CUZD1: variants seen among roughly 807,000 people sequenced by gnomAD.
The protein encoded by CUZD1 is CUB and zona pellucida-like domain-containing protein 1.
In CUZD1, 42 loss-of-function variants were observed where a neutral mutation model predicts 53.1. The observed-to-expected ratio is 0.79, with a 90% CI of 0.62 to 1.02. The LOEUF is 1.02. Among genes scored for constraint, CUZD1 ranks in the 50% least tolerant of loss-of-function variants. The probability of loss-of-function intolerance (pLI) is 0.00; values close to 1 mark genes in which losing one functional copy is unlikely to be tolerated. For synonymous variants in CUZD1, 238 were observed against 257.2 expected (o/e 0.93, Z 0.71); for missense variants, 670 against 715.7 (o/e 0.94, Z 0.73).
At chr10:122,838,012 C>CGAG in intron 3 of CUZD1, 2 of 154,756 alleles carry the variant, frequency 1.3e-5, no homozygotes, top group South Asian at 2.0e-4. Flanking sequence ...CTCCCACCTC[C>CGAG]ACCTACCCTC....
rs769217392 is a variant in CUZD1 at position 122,834,805 on chromosome 10, A to T, written c.1283T>A (p.Leu428Gln). The T allele has an allele frequency of 1.2e-6, 2 of 1,613,926 alleles. No individual in the cohort carries two copies. Among genetic ancestry groups the T allele is most frequent in the East Asian group, 2.2e-5 (1 of 44,868 alleles). The change falls in exon 7 of 9, where the codon CTG becomes CAG. Residue 428 changes from leucine to glutamine, a missense_variant. Physicochemically the swap from Leu to Gln is moderately radical, Grantham distance 113. Coordinates refer to ENST00000392790, the MANE Select transcript of CUZD1 (RefSeq NM_022034.6). Reference sequence around the variant, plus strand: ...CACCAAATTTGGATCTGAGGTGTGCAGACTAACTTGAACAAAAAGAGTTTG... The same window carrying T: ...CACCAAATTTGGATCTGAGGTGTGCTGACTAACTTGAACAAAAAGAGTTTG... ...LNQTLFVQVS[L>Q]HTSDPNLVVF...
rs1847174884 is a variant in CUZD1, at chr10:122,832,362, A to G, written c.1740T>C (p.Asn580=). 5.0e-6 allele frequency: 8 copies of G among 1,614,156 alleles called. No individual in the cohort carries two copies. Among genetic ancestry groups the G allele is most frequent in the Non-Finnish European group, 5.9e-6 (7 of 1,179,986 alleles). ...CTGTGATTGTCGCTACAGTCACCAC[A>G]TTCAGAGCTAGAACCATGAAGGAAA... is the stretch of plus-strand genomic sequence containing the variant. ...HLFSFMVLAL[N]VVTVATITVR... is the part of the protein sequence containing the mutation. Residue 580 remains asparagine (N), a synonymous_variant, in exon 9 of 9, where the codon AAT becomes AAC. Coordinates refer to ENST00000392790, the MANE Select transcript of CUZD1 (RefSeq NM_022034.6).
Position 122,833,920 on chromosome 10 carries a change from C to A in CUZD1, c.1403G>T (p.Cys468Phe). Residue 468 changes from cysteine (C) to phenylalanine (F), a missense_variant, in exon 8 of 9, where the codon TGT becomes TTT. Physicochemically the swap from Cys to Phe is radical, Grantham distance 205. Transcript: ENST00000392790. ...IKSGCSRDET[C>F]KVYPLFGHYG... ...GTGTCCAAATAAGGGATACACCTTA[C>A]AAGTTTCATCTCGACTACATCTGGA... is the stretch of plus-strand genomic sequence containing the variant. 6.2e-7 allele frequency: 1 copy of A among 1,613,010 alleles called. No homozygotes were observed. The highest frequency in any genetic ancestry group is 8.5e-7 in the Non-Finnish European group (1 of 1,179,452).
intron 5 of CUZD1, 114 bp from the exon 6 acceptor site, chr10:122,836,464 C>G: frequency 2.2e-6 from 2 of 919,798 alleles, no homozygotes; most frequent in Non-Finnish European, 3.1e-6. Flanking sequence ...CCATTTTGCC[C>G]TAAACAGTAA....
intron 6 of CUZD1, 94 bp from the exon 7 acceptor site, chr10:122,835,191 T>G (rs1666942812): frequency 2.0e-6 from 2 of 997,560 alleles, no homozygotes; most frequent in African/African-American, 3.3e-5. Flanking sequence ...CAGACATAAT[T>G]TTCTTAAATC....
intron 8 of CUZD1, among the ~76,000 whole-genome samples, chr10:122,833,106 T>G (rs535705172): frequency 1.3e-5 from 2 of 152,376 alleles, no homozygotes; most frequent in East Asian, 1.9e-4. Context: ...ATAGTTTTTC[T>G]TTCATTAAGG....
chr10:122,837,516 C>G lies in CUZD1; in HGVS notation c.487G>C (p.Gly163Arg), dbSNP rs758755042. Residue 163 changes from glycine to arginine, a missense_variant, in exon 4 of 9, where the codon GGA (glycine) becomes CGA (arginine). Coordinates refer to ENST00000392790, the MANE Select transcript of CUZD1 (RefSeq NM_022034.6). ...GGGTAATTGGGGCTGGTGAAGGATC[C>G]TTCCAAGGTATCCAGGTAACCGCCA... is the stretch of plus-strand genomic sequence containing the variant. ...NCGGYLDTLE[G>R]SFTSPNYPKP... 6.2e-7 allele frequency: 1 copy of G among 1,601,924 alleles called. No homozygotes were observed.
intron 3 of CUZD1, among the ~76,000 whole-genome samples, chr10:122,838,476 A>G (rs1847286851): frequency 6.6e-6 from 1 of 152,174 alleles, no homozygotes; most frequent in Non-Finnish European, 1.5e-5. Flanking sequence ...ATCACCTGAC[A>G]GTCTTAAATT....
intron 2 of CUZD1, 93 bp downstream of exon 2, chr10:122,841,085 G>T: frequency 8.4e-7 from 1 of 1,188,014 alleles, no homozygotes; most frequent in Non-Finnish European, 1.2e-6. Context: ...ACCTCTAGCA[G>T]CAGCTGAATT....
At position 122,837,539 on chromosome 10, in the gene CUZD1, CCA is replaced by C. The variant is rs752558843; in HGVS notation, c.462_463del (p.Cys154TrpfsTer22). ...TCCTTCCAAGGTATCCAGGTAACCG[CCA>C]CAGTTTGGAATAGCTGAAATGGATG... On this transcript the variant is annotated frameshift_variant, in exon 4 of 9. Coordinates refer to ENST00000392790, the MANE Select transcript of CUZD1 (RefSeq NM_022034.6). LOFTEE classifies it high-confidence loss of function. 3 of 1,579,896 alleles carry C rather than the reference CCA, an allele frequency of 1.9e-6. No homozygotes were observed. Among genetic ancestry groups the C allele is most frequent in the Non-Finnish European group, 2.6e-6 (3 of 1,166,072 alleles).
At chr10:122,836,157 G>T (rs766640421) in intron 6 of CUZD1, 21 bp downstream of exon 6, 1 of 1,581,768 alleles carries the variant, frequency 6.3e-7, no homozygotes, top group Non-Finnish European at 8.6e-7. Context: ...ACAAAATCCA[G>T]CTATCAGTAT....
chr10:122,832,471 A>G, intron 8 of CUZD1, 21 bp from the exon 9 acceptor site: 1 of 1,611,420 alleles, frequency 6.2e-7, no homozygotes, highest in Non-Finnish European at 8.5e-7. Context: ...AAACAAGATG[A>G]AAATCACTTT....
chr10:122,841,296 C>A lies in CUZD1; in HGVS notation c.115G>T (p.Ala39Ser). 6.2e-7 allele frequency: 1 copy of A among 1,613,514 alleles called. No individual in the cohort carries two copies. ...NASCTVSLGG[A>S]NMAETHKAMI... ...GCTTTGTGGGTCTCTGCCATATTGG[C>A]ACCCCCTAGACTGACTGTGCAGCTT... The change falls in exon 2 of 9, where the codon GCC becomes TCC. Residue 39 changes from alanine to serine, a missense_variant. Coordinates refer to ENST00000392790, the MANE Select transcript of CUZD1 (RefSeq NM_022034.6).
At chr10:122,843,125 A>G (rs1847369524) in intron 1 of CUZD1, among the ~76,000 whole-genome samples, 1 of 152,246 alleles carries the variant, frequency 6.6e-6, no homozygotes, top group Admixed American at 6.5e-5. Context: ...CCCAAAAGAA[A>G]TAAAAACAAA....
At position 122,835,043 on chromosome 10, in the gene CUZD1, T is replaced by C. The variant is rs199990188; in HGVS notation, c.1045A>G (p.Thr349Ala). 5.6e-6 allele frequency: 9 copies of C among 1,609,032 alleles called. No individual in the cohort carries two copies. Among genetic ancestry groups the C allele is most frequent in the East Asian group, 4.5e-5 (2 of 44,802 alleles). Residue 349 changes from threonine (T) to alanine (A), a missense_variant, in exon 7 of 9, where the codon ACT (threonine) becomes GCT (alanine). By Grantham distance (58) the Thr-to-Ala change is moderately conservative. Transcript: ENST00000392790. ...TTCTGACGGGTGATCACTTCAGAAG[T>C]TGAGGATGCAGAAAAGGTGATTATA... ...TNIITFSASS[T>A]SEVITRQKQL...
chr10:122,834,905 T>C lies in CUZD1; in HGVS notation c.1183A>G (p.Thr395Ala). The change falls in exon 7 of 9, where the codon ACC becomes GCC. Residue 395 changes from threonine to alanine, a missense_variant. Coordinates refer to ENST00000392790, the MANE Select transcript of CUZD1 (RefSeq NM_022034.6). ...TTGGATTCAAAAAGAGCCATGCTGGTGTTATATTTGCCCAGTGCATTTTGA... is the reference window on the plus strand; with the variant it reads ...TTGGATTCAAAAAGAGCCATGCTGGCGTTATATTTGCCCAGTGCATTTTGA... ...QSQNALGKYN[T>A]SMALFESNSF... The C allele has an allele frequency of 6.2e-7, 1 of 1,613,646 alleles. No homozygotes were observed. The highest frequency in any genetic ancestry group is 8.5e-7 in the Non-Finnish European group (1 of 1,179,632).
chr10:122,834,554 A>C, intron 7 of CUZD1, 152 bp downstream of exon 7: 1 of 491,280 alleles, frequency 2.0e-6, no homozygotes, highest in South Asian at 7.4e-5. Context: ...AGTACATAGT[A>C]ACTATTTTAT....
At chr10:122,834,168 T>C (rs1255057076) in intron 7 of CUZD1, among the ~76,000 whole-genome samples, 2 of 152,210 alleles carry the variant, frequency 1.3e-5, no homozygotes, top group Non-Finnish European at 2.9e-5. Flanking sequence ...AGAAAACCAA[T>C]ACTTACGTAT....
At chr10:122,842,629 T>A (rs914339889) in intron 1 of CUZD1, among the ~76,000 whole-genome samples, 2 of 152,326 alleles carry the variant, frequency 1.3e-5, no homozygotes, top group African/African-American at 2.4e-5. Context: ...AGTCAGCATG[T>A]CTGTATCTAT....
Sources: allele counts gnomAD v4.1 joint callset (sites outside exome capture counted in the v4.1 genomes callset), GRCh38; gene constraint gnomAD v4.1.1; transcripts MANE v1.5; gene names NCBI Gene and HGNC (gene_info 2026-07-23, HGNC 2026-07-21).